EFCAB5: variants seen among roughly 807,000 people sequenced by gnomAD.
EFCAB5 encodes EF-hand calcium binding domain 5.
A neutral mutation model predicts 167.9 loss-of-function variants in EFCAB5; 131 were observed. The ratio of observed to expected loss-of-function variants is 0.78; its 90% CI spans 0.68 to 0.90. The LOEUF is 0.90. Ranked by LOEUF, EFCAB5 falls within the 40% of genes least tolerant of loss-of-function variation. The pLI is 0.00. For missense variants in EFCAB5, 1,663 were observed against 1,745.2 expected (o/e 0.95, Z 0.84); for synonymous variants, 574 against 602.8 (o/e 0.95, Z 0.70).
At chr17:29,934,832 C>G (rs550768256) in intron 1 of EFCAB5, among the ~76,000 whole-genome samples, 9 of 152,314 alleles carry the variant, frequency 5.9e-5, no homozygotes, top group African/African-American at 1.9e-4. Context: ...CTAGATCACA[C>G]TGCTTCTTGC....
At chr17:30,032,028 C>A (rs1314554298) in intron 7 of EFCAB5, 1 of 151,942 alleles carries the variant, frequency 6.6e-6, no homozygotes, top group Non-Finnish European at 1.5e-5. Flanking sequence ...CAGAGTGAGA[C>A]CCTGTCTCTA....
chr17:30,056,601 C>T (rs776237621), intron 12 of EFCAB5, among the ~76,000 whole-genome samples: 2 of 152,186 alleles, frequency 1.3e-5, no homozygotes, highest in Admixed American at 6.5e-5. Context: ...AAGATCTACT[C>T]AACAGAGCAG....
chr17:29,970,480 G>A (rs1432302442), intron 4 of EFCAB5, among the ~76,000 whole-genome samples: 2 of 151,364 alleles, frequency 1.3e-5, no homozygotes, highest in African/African-American at 2.4e-5. Context: ...AAATGGGGAG[G>A]GAAAACGAAA....
chr17:30,022,582 C>T (rs887835176), intron 7 of EFCAB5, among the ~76,000 whole-genome samples: 2 of 152,090 alleles, frequency 1.3e-5, no homozygotes, highest in African/African-American at 2.4e-5. Flanking sequence ...GGAAACTCGT[C>T]TGGTGGTCGT....
At chr17:30,038,778 G>A (rs888695494) in intron 8 of EFCAB5, among the ~76,000 whole-genome samples, 1 of 152,136 alleles carries the variant, frequency 6.6e-6, no homozygotes, top group African/African-American at 2.4e-5. Flanking sequence ...GAGATCTTTT[G>A]TATCCATGCT....
chr17:29,975,403 G>A (rs145714576), intron 4 of EFCAB5, among the ~76,000 whole-genome samples: 12 of 151,830 alleles, frequency 7.9e-5, no homozygotes, highest in Non-Finnish European at 1.6e-4. Context: ...TTACAGGTGC[G>A]TACCACCATG....
intron 4 of EFCAB5, among the ~76,000 whole-genome samples, chr17:29,974,983 C>T (rs752465849): frequency 6.6e-6 from 1 of 151,826 alleles, no homozygotes; most frequent in East Asian, 1.9e-4. Flanking sequence ...CTTGAGGCCA[C>T]GAGTTCAAGA....
At chr17:30,012,653 T>C (rs2068933266) in intron 7 of EFCAB5, among the ~76,000 whole-genome samples, 1 of 152,206 alleles carries the variant, frequency 6.6e-6, no homozygotes, top group Admixed American at 6.5e-5. Flanking sequence ...TCTCCGCGAC[T>C]TGGTGGTAGT....
At chr17:29,990,337 G>T (rs967843575) in intron 4 of EFCAB5, among the ~76,000 whole-genome samples, 1 of 152,130 alleles carries the variant, frequency 6.6e-6, no homozygotes, top group African/African-American at 2.4e-5. Flanking sequence ...CCTATAAGCT[G>T]CTTTGCCTTG....
At chr17:30,096,462 G>A (rs1480411396) in intron 22 of EFCAB5, among the ~76,000 whole-genome samples, 1 of 151,820 alleles carries the variant, frequency 6.6e-6, no homozygotes, top group Non-Finnish European at 1.5e-5. Context: ...AGGATTGCTT[G>A]GGGCCAGAAG....
chr17:30,104,666 G>C (rs1181533229), intron 22 of EFCAB5, among the ~76,000 whole-genome samples: 1 of 152,108 alleles, frequency 6.6e-6, no homozygotes, highest in Non-Finnish European at 1.5e-5. Context: ...GATCCGGCCT[G>C]CATCTACCAC....
chr17:29,931,807 A>G (rs1026446326), intron 1 of EFCAB5, among the ~76,000 whole-genome samples: 6 of 152,224 alleles, frequency 3.9e-5, no homozygotes, highest in Admixed American at 3.9e-4. Flanking sequence ...TAGAAAAAGT[A>G]ATATTCAAAT....
chr17:30,088,280 C>G (rs1226398719), intron 19 of EFCAB5, among the ~76,000 whole-genome samples: 1 of 152,038 alleles, frequency 6.6e-6, no homozygotes. Context: ...TTGCTAAGCC[C>G]AGCTCATTTA....
intron 14 of EFCAB5, among the ~76,000 whole-genome samples, chr17:30,070,254 G>GA (rs1165254624): frequency 1.3e-5 from 2 of 151,546 alleles, no homozygotes; most frequent in East Asian, 3.9e-4. Flanking sequence ...AAAAGAAAAT[G>GA]AAAAATGACC....
At chr17:29,959,546 T>A (rs142354140) in intron 3 of EFCAB5, among the ~76,000 whole-genome samples, 1 of 152,230 alleles carries the variant, frequency 6.6e-6, no homozygotes, top group Non-Finnish European at 1.5e-5. Flanking sequence ...ACTTTAGTCA[T>A]CAGGTGATGA....
intron 3 of EFCAB5, among the ~76,000 whole-genome samples, chr17:29,953,742 C>T (rs756845206): frequency 2.6e-5 from 4 of 152,164 alleles, no homozygotes; most frequent in South Asian, 4.1e-4. Flanking sequence ...AATGTGGAAG[C>T]GACTTTGGAA....
chr17:29,975,035 T>G (rs534649957), intron 4 of EFCAB5, among the ~76,000 whole-genome samples: 1 of 151,236 alleles, frequency 6.6e-6, no homozygotes, highest in Non-Finnish European at 1.5e-5. Flanking sequence ...CTAAAATAAA[T>G]AAATAAATAA....
In EFCAB5 at chr17:30,082,817, A is replaced by T; in HGVS notation, c.3427-74A>T. On this transcript the variant is annotated intron_variant, in intron 17 of 22. Coordinates refer to ENST00000394835, the MANE Select transcript of EFCAB5 (RefSeq NM_198529.4). ...AAGTAATTAAATTACTGGTAAAGGT[A>T]ATCCAATTACTATATTACTAATTAT... The T allele has an allele frequency of 2.1e-6, 3 of 1,403,740 alleles. No homozygotes were observed. In the South Asian group the frequency reaches 4.5e-5, roughly 21 times the overall value. 87.0% of individuals were successfully genotyped at this position (1,403,740 alleles called of 1,614,324 possible).
intron 17 of EFCAB5, among the ~76,000 whole-genome samples, chr17:30,081,923 C>A (rs1384870855): frequency 2.0e-5 from 3 of 152,030 alleles, no homozygotes; most frequent in Non-Finnish European, 4.4e-5. Flanking sequence ...GCACTCTAGC[C>A]CTTAGAGGTA....
Sources: gnomAD v4.1 joint callset for allele counts (sites outside exome capture counted in the v4.1 genomes callset) on GRCh38, gnomAD v4.1.1 for gene constraint, MANE v1.5 for transcripts, NCBI Gene and HGNC (gene_info 2026-07-23, HGNC 2026-07-21) for gene names.